MED1: variants seen among roughly 807,000 people sequenced by gnomAD.
MED1 encodes mediator of RNA polymerase II transcription subunit 1.
In MED1, 17 loss-of-function variants were observed where a neutral mutation model predicts 121.3. The observed-to-expected ratio is 0.14, with a 90% CI of 0.10 to 0.21. MED1 has a LOEUF of 0.21. MED1 is among the 10% of genes least tolerant of loss of function. The probability of loss-of-function intolerance (pLI) is 1.00; values close to 1 mark genes in which losing one functional copy is unlikely to be tolerated. For synonymous variants in MED1, 661 were observed against 694.4 expected (o/e 0.95, Z 0.76); for missense variants, 1,558 against 1,919.4 (o/e 0.81, Z 3.52).
At chr17:39,436,219 G>A (rs888096468) in intron 6 of MED1, among the ~76,000 whole-genome samples, 3 of 151,876 alleles carry the variant, frequency 2.0e-5, no homozygotes, top group African/African-American at 7.2e-5. Flanking sequence ...AAATTATCCG[G>A]GCATGGTGGC....
intron 3 of MED1, among the ~76,000 whole-genome samples, chr17:39,441,511 C>T (rs2048674502): frequency 6.6e-6 from 1 of 152,240 alleles, no homozygotes; most frequent in African/African-American, 2.4e-5. Context: ...GTGGCTGACG[C>T]CTGTAATCCT....
chr17:39,430,098 G>T (rs1216870820), intron 9 of MED1, among the ~76,000 whole-genome samples: 1 of 151,440 alleles, frequency 6.6e-6, no homozygotes. Flanking sequence ...TAAATAAATA[G>T]GGATTGGTGC....
rs1482177160 is a variant in MED1 at position 39,451,141 on chromosome 17, C to G, written c.-79G>C. On this transcript the variant is annotated 5_prime_UTR_variant, in exon 1 of 17. Transcript: ENST00000300651. ...CACTAACGGAGGAAACAAGTTGGCT[C>G]GGGATCCCGGGACGCAGGGCACCAG... 3 of 1,530,708 alleles carry G rather than the reference C, an allele frequency of 2.0e-6. No homozygotes were observed. Among genetic ancestry groups the G allele is most frequent in the African/African-American group, 2.8e-5 (2 of 72,626 alleles). The allele number at this position is 1,530,708 out of a possible 1,614,324, so 94.8% of individuals were successfully genotyped here.
rs1270418457 is a variant in MED1 at position 39,406,070 on chromosome 17, G to A, written c.*1405C>T. ...GACCCTCCAAATACTGAGAACTTCT[G>A]TTGCACTCGAAACAGTCTCCTGGAT... On this transcript the variant is annotated 3_prime_UTR_variant, in exon 17 of 17. Transcript: ENST00000300651. 2 of 985,362 alleles carry A rather than the reference G, an allele frequency of 2.0e-6. No homozygotes were observed. Among genetic ancestry groups the A allele is most frequent in the Non-Finnish European group, 2.4e-6 (2 of 829,932 alleles). 61.0% of individuals were successfully genotyped at this position (985,362 alleles called of 1,614,324 possible). A position where few individuals can be genotyped will look rare whatever the true frequency, so the allele number is the denominator to read the frequency against.
chr17:39,425,259 C>T (rs751598215), intron 10 of MED1, among the ~76,000 whole-genome samples: 1 of 152,014 alleles, frequency 6.6e-6, no homozygotes, highest in South Asian at 2.1e-4. Context: ...GGTGTGATCT[C>T]GACTCACTGC....
chr17:39,414,875 A>T, intron 16 of MED1, 151 bp downstream of exon 16: 1 of 644,534 alleles, frequency 1.6e-6, no homozygotes. Context: ...TCACCATGTT[A>T]GCCAGAATGG....
At chr17:39,447,942 CTA>C in intron 1 of MED1, 38 bp from the exon 2 acceptor site, 1 of 1,309,482 alleles carries the variant, frequency 7.6e-7, no homozygotes, top group Non-Finnish European at 1.1e-6. Context: ...AGTAACTGTT[CTA>C]TCAAGACCAT....
At chr17:39,414,477 A>G (rs1375481886) in intron 16 of MED1, among the ~76,000 whole-genome samples, 1 of 150,924 alleles carries the variant, frequency 6.6e-6, no homozygotes, top group Non-Finnish European at 1.5e-5. Flanking sequence ...CTGGGACTAC[A>G]GGCGCCCGCC....
intron 14 of MED1, among the ~76,000 whole-genome samples, chr17:39,417,852 G>GGCTCAC (rs1456645791): frequency 6.6e-6 from 1 of 151,922 alleles, no homozygotes; most frequent in Non-Finnish European, 1.5e-5. Flanking sequence ...CGGGTGCCAT[G>GGCTCAC]GCTCACGCCT....
chr17:39,431,896 GA>G lies in MED1; in HGVS notation c.575+45del, dbSNP rs2048568196. The G allele has an allele frequency of 1.1e-5, 15 of 1,411,104 alleles. 1 individual carries two copies. In the South Asian group the frequency reaches 1.6e-4, roughly 15 times the overall value. The allele number at this position is 1,411,104 out of a possible 1,614,324, so 87.4% of individuals were successfully genotyped here. Reference sequence around the variant, plus strand: ...AAAATAGGACCCTAATCTCCCCAGAGAAAAACTCAAGGGATCATGTAGAATT... The same window carrying G: ...AAAATAGGACCCTAATCTCCCCAGAGAAAACTCAAGGGATCATGTAGAATT... On this transcript the variant is annotated intron_variant, in intron 8 of 16. Coordinates refer to ENST00000300651, the MANE Select transcript of MED1 (RefSeq NM_004774.4).
chr17:39,405,122 G>A lies in MED1; in HGVS notation c.*2353C>T. The A allele has an allele frequency of 7.4e-7, 1 of 1,351,980 alleles. No individual in the cohort carries two copies. Among genetic ancestry groups the A allele is most frequent in the Non-Finnish European group, 9.8e-7 (1 of 1,016,012 alleles). The allele number at this position is 1,351,980 out of a possible 1,614,324, so 83.7% of individuals were successfully genotyped here. On this transcript the variant is annotated 3_prime_UTR_variant, in exon 17 of 17. Transcript: ENST00000300651. The stretch of plus-strand genomic sequence containing the variant: ...ACAGGAGGGAGGTGTCCCAGGCTTG[G>A]TTTATTCTGCCTCTTCTCCTCCACC...
At chr17:39,434,687 C>T (rs972670674) in intron 6 of MED1, among the ~76,000 whole-genome samples, 3 of 151,954 alleles carry the variant, frequency 2.0e-5, no homozygotes, top group African/African-American at 4.8e-5. Flanking sequence ...TTTGTAGAGA[C>T]GGGGTTTCCC....
At chr17:39,421,389 A>C (rs932194863) in intron 13 of MED1, among the ~76,000 whole-genome samples, 7 of 151,816 alleles carry the variant, frequency 4.6e-5, no homozygotes, top group South Asian at 2.1e-4. Flanking sequence ...GTCTCTACTA[A>C]AAATACAAAA....
rs2048779278 is a variant in MED1, at chr17:39,451,180, T to C, written c.-118A>G. 1 of 1,156,742 alleles carries C rather than the reference T, an allele frequency of 8.6e-7. No homozygotes were observed. Among genetic ancestry groups the C allele is most frequent in the East Asian group, 2.6e-5 (1 of 38,938 alleles). The allele number at this position is 1,156,742 out of a possible 1,614,324, so 71.7% of individuals were successfully genotyped here. Reference sequence around the variant, plus strand: ...GCAGGGCACCAGCAGTCCCTACTCTTCCCGGGAAGGATCAATCTGAAGTCC... The same window carrying C: ...GCAGGGCACCAGCAGTCCCTACTCTCCCCGGGAAGGATCAATCTGAAGTCC... On this transcript the variant is annotated 5_prime_UTR_variant, in exon 1 of 17. Coordinates refer to ENST00000300651, the MANE Select transcript of MED1 (RefSeq NM_004774.4).
Position 39,431,097 on chromosome 17 carries a change from C to T in MED1, c.649+18G>A. 1 of 1,594,110 alleles carries T rather than the reference C, an allele frequency of 6.3e-7. No individual in the cohort carries two copies. The highest frequency in any genetic ancestry group is 1.1e-5 in the South Asian group (1 of 90,262). On this transcript the variant is annotated intron_variant, in intron 9 of 16. Coordinates refer to ENST00000300651, the MANE Select transcript of MED1 (RefSeq NM_004774.4). ...TAAATTACACATGTTTCTAAACAAG[C>T]AAAATAGGATCACGTACCCCCACTC...
chr17:39,408,631 C>T lies in MED1; in HGVS notation c.3590G>A (p.Arg1197Lys), dbSNP rs1290954019. 1.2e-6 allele frequency: 2 copies of T among 1,613,956 alleles called. No individual in the cohort carries two copies. Among genetic ancestry groups the T allele is most frequent in the Non-Finnish European group, 1.7e-6 (2 of 1,180,028 alleles). The change falls in exon 17 of 17, where the codon AGG (arginine) becomes AAG (lysine). Residue 1197 changes from arginine to lysine, a missense_variant. This residue lies in a region of MED1 where 793 missense variants were observed against 898.2 expected (regional missense o/e 0.88). Coordinates refer to ENST00000300651, the MANE Select transcript of MED1 (RefSeq NM_004774.4). The surrounding 1 kb of genome is among the most constrained non-coding windows in gnomAD (Gnocchi z 4.7). The stretch of plus-strand genomic sequence containing the variant: ...AAGCTTGTCAGAGCCTCCAGGTGGC[C>T]TTGAATGAGAAGGGGATATGTTTGG... ...SKPNISPSHS[R>K]PPGGSDKLAS...
At chr17:39,449,352 TG>T (rs2048759676) in intron 1 of MED1, among the ~76,000 whole-genome samples, 1 of 151,940 alleles carries the variant, frequency 6.6e-6, no homozygotes, top group South Asian at 2.1e-4. Context: ...AGCTAATTTT[TG>T]TATCTGTTGT....
intron 6 of MED1, among the ~76,000 whole-genome samples, chr17:39,437,833 C>T (rs1395505843): frequency 1.3e-5 from 2 of 151,924 alleles, no homozygotes; most frequent in Non-Finnish European, 2.9e-5. Flanking sequence ...ACTCGGGAGG[C>T]TGAGGCAGGA....
intron 9 of MED1, among the ~76,000 whole-genome samples, chr17:39,428,211 G>A (rs1273020900): frequency 6.6e-6 from 1 of 152,036 alleles, no homozygotes; most frequent in Non-Finnish European, 1.5e-5. Context: ...TTGGCCAGGT[G>A]CGGTGGCTCA....
Sources: gnomAD v4.1 joint callset for allele counts (sites outside exome capture counted in the v4.1 genomes callset) on GRCh38, gnomAD v4.1.1 for gene constraint, gnomAD v4.1.1 regional missense constraint, Gnocchi (gnomAD v3.1) non-coding constraint, MANE v1.5 for transcripts, NCBI Gene and HGNC (gene_info 2026-07-23, HGNC 2026-07-21) for gene names.